The following ANK2 variants were observed in gnomAD, a reference collection of about 807,000 sequenced individuals.
ANK2 encodes the protein ankyrin 2, also known as ankyrin-2.
In ANK2, 83 loss-of-function variants were observed where a neutral mutation model predicts 360.5. The ratio of observed to expected loss-of-function variants is 0.23; its 90% CI spans 0.19 to 0.28. The LOEUF (loss-of-function observed/expected upper bound fraction) is 0.28, where lower values mean the gene tolerates loss of function less well. Among genes scored for constraint, ANK2 ranks in the 10% least tolerant of loss-of-function variants. The pLI is 1.00. For synonymous variants in ANK2, 1,740 were observed against 1,759.5 expected (o/e 0.99, Z 0.28); for missense variants, 4,201 against 4,795.7 (o/e 0.88, Z 3.66).
intron 2 of ANK2, among the ~76,000 whole-genome samples, chr4:112,957,810 C>G (rs562439036): frequency 6.8e-6 from 1 of 147,502 alleles, no homozygotes; most frequent in Admixed American, 6.7e-5. Context: ...GGGCGGCTGC[C>G]GGGCGGAGGG....
intron 1 of ANK2, among the ~76,000 whole-genome samples, chr4:113,147,632 AG>A (rs1289141751): frequency 6.6e-6 from 1 of 152,186 alleles, no homozygotes; most frequent in Non-Finnish European, 1.5e-5. Context: ...AAAAAGAAAA[AG>A]TTAATGTTTA....
At chr4:113,305,360 T>A (rs867019650) in intron 23 of ANK2, among the ~76,000 whole-genome samples, 2,374 of 86,338 alleles carry the variant, frequency 0.027, 84 homozygotes, top group African/African-American at 0.099. Flanking sequence ...AAAAAAAAAA[T>A]AGCCTCTCAG....
At chr4:112,929,181 A>G (rs1302848102) in intron 2 of ANK2, among the ~76,000 whole-genome samples, 1 of 152,138 alleles carries the variant, frequency 6.6e-6, no homozygotes, top group East Asian at 1.9e-4. Flanking sequence ...AATTGAGTTC[A>G]GGGTAGAATA....
chr4:112,816,068 T>A (rs184628766), upstream of ANK2, among the ~76,000 whole-genome samples: 1 of 152,210 alleles, frequency 6.6e-6, no homozygotes, highest in African/African-American at 2.4e-5. Context: ...TACCCACTAC[T>A]TGTGATTTTT....
At chr4:112,905,135 A>G (rs1408055194) in intron 2 of ANK2, among the ~76,000 whole-genome samples, 1 of 152,206 alleles carries the variant, frequency 6.6e-6, no homozygotes, top group Non-Finnish European at 1.5e-5. Context: ...TAAGTCGTGA[A>G]TCTCATCTAG....
intron 23 of ANK2, 65 bp from the exon 24 acceptor site, chr4:113,311,190 A>T: frequency 6.2e-7 from 1 of 1,600,900 alleles, no homozygotes; most frequent in Non-Finnish European, 8.6e-7. Flanking sequence ...CACAATCATG[A>T]CCATATGTTG....
chr4:113,356,005 T>A lies in ANK2; in HGVS notation c.7387T>A (p.Ser2463Thr), dbSNP rs1341093772. ...TCTGGAGCCAAGTCCTCTGAAAGAA[T>A]CCCCTTGCCGTGACTCTCTGGAAAG... ...DSLEPSPLKE[S>T]PCRDSLESSP... Residue 2463 changes from serine to threonine, a missense_variant, in exon 38 of 46, where the codon TCC becomes ACC. By Grantham distance (58) the Ser-to-Thr change is moderately conservative (BLOSUM62 1). Around this residue, in one of 4 missense-constraint regions of ANK2, gnomAD observed 2,642 missense variants for 2,714.5 expected, o/e 0.97. Transcript: ENST00000357077. 1.2e-6 allele frequency: 2 copies of A among 1,614,024 alleles called. No homozygotes were observed. Among genetic ancestry groups the A allele is most frequent in the Admixed American group, 3.3e-5 (2 of 60,000 alleles).
intron 1 of ANK2, among the ~76,000 whole-genome samples, chr4:113,159,528 T>C (rs1006380060): frequency 3.9e-5 from 6 of 152,120 alleles, no homozygotes; most frequent in Non-Finnish European, 8.8e-5. Flanking sequence ...ATTTATACAA[T>C]AATTAAAGCT....
At chr4:113,291,269 G>A (rs533711029) in intron 20 of ANK2, among the ~76,000 whole-genome samples, 6 of 152,286 alleles carry the variant, frequency 3.9e-5, no homozygotes, top group South Asian at 2.1e-4. Context: ...AAGAAGTATC[G>A]CTTAGTGTAT....
At chr4:113,231,808 T>A (rs939477308) in intron 4 of ANK2, among the ~76,000 whole-genome samples, 1 of 151,758 alleles carries the variant, frequency 6.6e-6, no homozygotes, top group African/African-American at 2.4e-5. Context: ...TTCACCATTG[T>A]CCAGGCAGGT....
rs2096825355 is a variant in ANK2 at position 113,146,093 on chromosome 4, G to A, written c.85-28323G>A. 9.8e-6 allele frequency: 12 copies of A among 1,226,732 alleles called. No individual in the cohort carries two copies. In the South Asian group the frequency reaches 1.5e-4, roughly 15 times the overall value. 76.0% of individuals were successfully genotyped at this position (1,226,732 alleles called of 1,614,324 possible). A position where few individuals can be genotyped will look rare whatever the true frequency, so the allele number is the denominator to read the frequency against. On this transcript the variant is annotated intron_variant, in intron 1 of 45. Coordinates refer to ENST00000357077, the MANE Select transcript of ANK2 (RefSeq NM_001148.6). ...CATTGGTCAGACCTCTAAACTTCCT[G>A]GAAGGAAGCTGACAGAATAAAGCCA...
chr4:113,227,844 T>G (rs2099243583), intron 4 of ANK2, among the ~76,000 whole-genome samples: 2 of 152,178 alleles, frequency 1.3e-5, no homozygotes, highest in East Asian at 3.9e-4. Context: ...GATATAGTAT[T>G]AGGTCATTTA....
the ANK2 span, among the ~76,000 whole-genome samples, chr4:112,714,775 G>T: frequency 6.6e-6 from 1 of 152,160 alleles, no homozygotes; most frequent in African/African-American, 2.4e-5. Flanking sequence ...AAGGTTTGGA[G>T]ACGTTTAGCA....
the ANK2 span, among the ~76,000 whole-genome samples, chr4:112,713,955 A>T: frequency 6.6e-6 from 1 of 151,910 alleles, no homozygotes; most frequent in Non-Finnish European, 1.5e-5. Context: ...CAAAAAAAAA[A>T]ACTGTCAAAC....
rs997891937 is a variant in ANK2 at position 113,318,723 on chromosome 4, T to C, written c.2900+103T>C. 7 of 940,880 alleles carry C rather than the reference T, an allele frequency of 7.4e-6. No homozygotes were observed. In the Admixed American group the frequency reaches 1.2e-4, roughly 16 times the overall value. The allele number at this position is 940,880 out of a possible 1,614,324, so 58.3% of individuals were successfully genotyped here. A position where few individuals can be genotyped will look rare whatever the true frequency, so the allele number is the denominator to read the frequency against. Reference sequence around the variant, plus strand: ...CTTTAGCTGGTGGCTAGCTTTACAGTGGAGGTGCCCTTTGTTTAAACTTGT... The same window carrying C: ...CTTTAGCTGGTGGCTAGCTTTACAGCGGAGGTGCCCTTTGTTTAAACTTGT... On this transcript the variant is annotated intron_variant, in intron 26 of 45. Transcript: ENST00000357077.
intron 1 of ANK2, among the ~76,000 whole-genome samples, chr4:113,130,064 G>C (rs113559787): frequency 5.9e-5 from 9 of 152,140 alleles, no homozygotes; most frequent in Non-Finnish European, 1.2e-4. Flanking sequence ...TGTATAATAT[G>C]CTGTTTCTGT....
At chr4:113,280,843 A>G (rs1002554929) in intron 17 of ANK2, among the ~76,000 whole-genome samples, 1 of 152,164 alleles carries the variant, frequency 6.6e-6, no homozygotes, top group African/African-American at 2.4e-5. Context: ...ACCTAACCTT[A>G]GTAGAGCCCA....
intron 2 of ANK2, among the ~76,000 whole-genome samples, chr4:112,908,980 A>G (rs951204725): frequency 1.3e-5 from 2 of 152,252 alleles, no homozygotes; most frequent in African/African-American, 4.8e-5. Flanking sequence ...ATGAAATCAT[A>G]TGGACCAGAT....
At chr4:112,772,550 G>GA in the ANK2 span, among the ~76,000 whole-genome samples, 3 of 151,656 alleles carry the variant, frequency 2.0e-5, no homozygotes, top group South Asian at 2.1e-4. Flanking sequence ...GGACACATGT[G>GA]AAAAAAAACC....
Sources: gnomAD v4.1 joint callset for allele counts (sites outside exome capture counted in the v4.1 genomes callset) on GRCh38, gnomAD v4.1.1 for gene constraint, gnomAD v4.1.1 regional missense constraint, MANE v1.5 for transcripts, NCBI Gene and HGNC (gene_info 2026-07-23, HGNC 2026-07-21) for gene names.